The following AHNAK2 variants were observed in gnomAD, a reference collection of about 807,000 sequenced individuals.
AHNAK2 encodes the protein protein AHNAK2.
In AHNAK2, 18 loss-of-function variants were observed where a neutral mutation model predicts 30.7. The ratio of observed to expected loss-of-function variants is 0.59; its 90% CI spans 0.41 to 0.87. The LOEUF is 0.87. Ranked by LOEUF, AHNAK2 falls within the 40% of genes least tolerant of loss-of-function variation. The pLI, the probability that AHNAK2 is intolerant of heterozygous loss-of-function variation, is 0.00. For synonymous variants in AHNAK2, 3,590 were observed against 3,073.8 expected (o/e 1.17, Z -5.56); for missense variants, 8,604 against 7,373.0 (o/e 1.17, Z -6.11).
chr14:104,943,875 T>A lies in AHNAK2; in HGVS notation c.11576A>T (p.Asp3859Val), dbSNP rs202229680. Residue 3859 changes from aspartate to valine, a missense_variant, in exon 7 of 7, where the codon GAC becomes GTC. Asp to Val is a radical substitution (Grantham distance 152, BLOSUM62 -3). Transcript: ENST00000333244. ...TDLSIQPHSA[D>V]LTVQARQVDM... ...CACCTGGCGAGCTTGGACCGTCAGG[T>A]CGGCAGAATGGGGCTGAATGCTGAG... 5.0e-6 allele frequency: 8 copies of A among 1,612,676 alleles called. No homozygotes were observed. Among genetic ancestry groups the A allele is most frequent in the Admixed American group, 1.7e-5 (1 of 59,912 alleles).
rs1378684308 is a variant in AHNAK2, at chr14:104,945,456, T to A, written c.9995A>T (p.Asp3332Val). 5 of 1,613,236 alleles carry A rather than the reference T, an allele frequency of 3.1e-6. No homozygotes were observed. Among genetic ancestry groups the A allele is most frequent in the Non-Finnish European group, 3.4e-6 (4 of 1,179,676 alleles). The change falls in exon 7 of 7, where the codon GAT becomes GTT. Residue 3332 changes from aspartate to valine, a missense_variant. Asp to Val is a radical substitution (Grantham distance 152). Coordinates refer to ENST00000333244, the MANE Select transcript of AHNAK2 (RefSeq NM_138420.4). The stretch of plus-strand genomic sequence containing the variant: ...GGCCTCCGCCTTCGGCGCAGACACA[T>A]CCACCGAGGCCTGGATGGACTTGCC... ...APGKSIQASVDVSAPKAEADV... is the reference protein window; with the variant it reads ...APGKSIQASVVVSAPKAEADV...
Position 104,938,061 on chromosome 14 carries a change from T to G in AHNAK2, c.*2A>C. On this transcript the variant is annotated 3_prime_UTR_variant, in exon 7 of 7. Transcript: ENST00000333244. ...CTCTCTTGTACTGATGAGCCATACCTCTCAGCCTTCATTTGGTCCCAGGCC... is the reference window on the plus strand; with the variant it reads ...CTCTCTTGTACTGATGAGCCATACCGCTCAGCCTTCATTTGGTCCCAGGCC... The G allele has an allele frequency of 6.2e-7, 1 of 1,611,738 alleles. No homozygotes were observed. The highest frequency in any genetic ancestry group is 8.5e-7 in the Non-Finnish European group (1 of 1,178,372).
Position 104,948,536 on chromosome 14 carries a change from G to C in AHNAK2, c.6915C>G (p.Ser2305=). 6.2e-7 allele frequency: 1 copy of C among 1,609,510 alleles called. No homozygotes were observed. The highest frequency in any genetic ancestry group is 8.5e-7 in the Non-Finnish European group (1 of 1,178,646). The change falls in exon 7 of 7, where the codon TCC becomes TCG. Residue 2305 remains serine, a synonymous_variant. Transcript: ENST00000333244. ...TGGCAGTCACGTCCTTGTCGGCCAG[G>C]GACATGTCCCCCTCCAGCCGCGCAC... ...LDGARLEGDM[S]LADKDVTAKD... is the part of the protein sequence containing the mutation.
Position 104,950,776 on chromosome 14 carries a change from C to A in AHNAK2, c.4675G>T (p.Val1559Leu). The change falls in exon 7 of 7, where the codon GTG becomes TTG. Residue 1559 changes from valine (V) to leucine (L), a missense_variant. Val to Leu is a conservative substitution (Grantham distance 32). Coordinates refer to ENST00000333244, the MANE Select transcript of AHNAK2 (RefSeq NM_138420.4). The stretch of plus-strand genomic sequence containing the variant: ...GACACAGGGCCCTCTGGGAGTTTCA[C>A]GTCCACTTGGCCAGCCTGGACCTCC... ...DLEVQAGQVDVKLPEGPVSEG... is the reference protein window; with the variant it reads ...DLEVQAGQVDLKLPEGPVSEG... The A allele has an allele frequency of 6.3e-7, 1 of 1,586,744 alleles. No homozygotes were observed. Among genetic ancestry groups the A allele is most frequent in the Non-Finnish European group, 8.6e-7 (1 of 1,162,466 alleles).
In AHNAK2 at chr14:104,938,945, C is replaced by G; in HGVS notation, c.16506G>C (p.Arg5502=). ...VPRTFSTQIV[R]ESEIPTSEIQ... ...TCTCTGACGTGGGGATCTCTGATTC[C>G]CGCACAATCTGAGTGGAAAAAGTCC... The change falls in exon 7 of 7, where the codon CGG becomes CGC. Residue 5502 remains arginine (R), a synonymous_variant. Coordinates refer to ENST00000333244, the MANE Select transcript of AHNAK2 (RefSeq NM_138420.4). 6.2e-7 allele frequency: 1 copy of G among 1,613,376 alleles called. No homozygotes were observed. The highest frequency in any genetic ancestry group is 8.5e-7 in the Non-Finnish European group (1 of 1,179,820).
chr14:104,953,647 T>C lies in AHNAK2; in HGVS notation c.1804A>G (p.Arg602Gly). The C allele has an allele frequency of 6.2e-7, 1 of 1,613,964 alleles. No homozygotes were observed. The highest frequency in any genetic ancestry group is 8.5e-7 in the Non-Finnish European group (1 of 1,179,896). ...WSPSKHTKTG[R>G]EKATEDTEQG... The stretch of plus-strand genomic sequence containing the variant: ...TCTGTGTCTTCTGTGGCTTTTTCTC[T>C]GCCTGTCTTTGTGTGCTTGCTTGGC... Residue 602 changes from arginine to glycine, a missense_variant, in exon 7 of 7, where the codon AGA becomes GGA. Transcript: ENST00000333244.
intron 1 of AHNAK2, among the ~76,000 whole-genome samples, chr14:104,962,951 C>T (rs1899190849): frequency 6.6e-6 from 1 of 152,140 alleles, no homozygotes. Flanking sequence ...ACCTCGAGGG[C>T]AGCAAAGTTT....
intron 1 of AHNAK2, among the ~76,000 whole-genome samples, chr14:104,965,733 C>A (rs930807923): frequency 1.3e-5 from 2 of 152,194 alleles, no homozygotes; most frequent in Admixed American, 1.3e-4. Context: ...CTGTCCCCTG[C>A]GGTAGGTGTC....
chr14:104,950,652 C>T lies in AHNAK2; in HGVS notation c.4799G>A (p.Gly1600Asp). 6.3e-7 allele frequency: 1 copy of T among 1,586,964 alleles called. No homozygotes were observed. Among genetic ancestry groups the T allele is most frequent in the South Asian group, 1.1e-5 (1 of 89,708 alleles). Reference protein sequence around the residue: ...DLKGPQIDVKGPKLDLKGPKV... With the variant: ...DLKGPQIDVKDPKLDLKGPKV... ...GGGGCCTTTCAGGTCCAGCTTGGGGCCCTTAACATCTATCTGGGGCCCCTT... is the reference window on the plus strand; with the variant it reads ...GGGGCCTTTCAGGTCCAGCTTGGGGTCCTTAACATCTATCTGGGGCCCCTT... Residue 1600 changes from glycine to aspartate, a missense_variant, in exon 7 of 7, where the codon GGC becomes GAC. Transcript: ENST00000333244.
Position 104,942,821 on chromosome 14 carries a change from G to A in AHNAK2, c.12630C>T (p.Ala4210=), listed in dbSNP as rs372770146. The A allele has an allele frequency of 1.1e-5, 18 of 1,612,788 alleles. No homozygotes were observed. The highest frequency in any genetic ancestry group is 5.5e-5 in the South Asian group (5 of 91,044). The stretch of plus-strand genomic sequence containing the variant: ...CCTTGGGGAGGTGCCCTTTGAGGCC[G>A]GCTCCCTTGGGCAGGGGGCCCTCCG... ...KLPEGPLPKG[A]GLKGHLPKVQ... is the part of the protein sequence containing the mutation. The change falls in exon 7 of 7, where the codon GCC becomes GCT. Residue 4210 remains alanine (A), a synonymous_variant. Transcript: ENST00000333244.
rs372983447 is a variant in AHNAK2 at position 104,947,770 on chromosome 14, C to T, written c.7681G>A (p.Gly2561Ser). 1.6e-5 allele frequency: 26 copies of T among 1,612,704 alleles called. No individual in the cohort carries two copies. The highest frequency in any genetic ancestry group is 1.1e-4 in the East Asian group (5 of 44,788). The change falls in exon 7 of 7, where the codon GGC (glycine) becomes AGC (serine). Residue 2561 changes from glycine (G) to serine (S), a missense_variant. Physicochemically the swap from Gly to Ser is moderately conservative, Grantham distance 56. Transcript: ENST00000333244. ...ACCTTGGGCAGGTGCCCTTTGAGGC[C>T]GGCTCCCTCCGGCACAGGGCCCTCT... ...LPEGPVPEGA[G>S]LKGHLPKVQM...
At position 104,949,660 on chromosome 14, in the gene AHNAK2, C is replaced by T. The variant is rs200253581; in HGVS notation, c.5791G>A (p.Ala1931Thr). 17 of 1,582,966 alleles carry T rather than the reference C, an allele frequency of 1.1e-5. 3 individuals carry two copies. Among genetic ancestry groups the T allele is most frequent in the Middle Eastern group, 3.3e-4 (2 of 6,032 alleles). ...TTGGGGCCTTTCAGGTCCAGCTTGGCGCCCTTAACATCTGTCTGGGGGCCC... is the reference window on the plus strand; with the variant it reads ...TTGGGGCCTTTCAGGTCCAGCTTGGTGCCCTTAACATCTGTCTGGGGGCCC... ...LKGPQTDVKG[A>T]KLDLKGPKAE... Residue 1931 changes from alanine (A) to threonine (T), a missense_variant, in exon 7 of 7, where the codon GCC becomes ACC. Transcript: ENST00000333244.
chr14:104,951,894 AC>A lies in AHNAK2; in HGVS notation c.3556del (p.Val1186TrpfsTer12), dbSNP rs1468979037. ...CTCCACTTTGGGTGCAGACACATCC[AC>A]CGAGGCCTCGATGGACTTGCCTGGG... ...SAPGKSIEAS[V>X]DVSAPKVEAD... On this transcript the variant is annotated frameshift_variant, in exon 7 of 7. Coordinates refer to ENST00000333244, the MANE Select transcript of AHNAK2 (RefSeq NM_138420.4). LOFTEE classifies it low-confidence loss of function (END_TRUNC). 1.6e-5 allele frequency: 26 copies of A among 1,609,072 alleles called. No individual in the cohort carries two copies. Among genetic ancestry groups the A allele is most frequent in the Non-Finnish European group, 2.2e-5 (26 of 1,178,016 alleles).
rs200298349 is a variant in AHNAK2 at position 104,953,056 on chromosome 14, T to A, written c.2395A>T (p.Met799Leu). 19 of 1,613,312 alleles carry A rather than the reference T, an allele frequency of 1.2e-5. No homozygotes were observed. Among genetic ancestry groups the A allele is most frequent in the Non-Finnish European group, 1.6e-5 (19 of 1,179,720 alleles). ...CTCGGGGCCTGGACGTCCACCTCCA[T>A]GCTGGACAGAGACATCTTCACATCG... is the stretch of plus-strand genomic sequence containing the variant. Reference protein sequence around the residue: ...APDVKMSLSSMEVDVQAPRAK... With the variant: ...APDVKMSLSSLEVDVQAPRAK... Residue 799 changes from methionine (M) to leucine (L), a missense_variant, in exon 7 of 7, where the codon ATG becomes TTG. Met to Leu is a conservative substitution (Grantham distance 15, BLOSUM62 2). Transcript: ENST00000333244.
intron 1 of AHNAK2, among the ~76,000 whole-genome samples, chr14:104,968,027 C>CA (rs1260050574): frequency 1.3e-5 from 2 of 152,244 alleles, no homozygotes; most frequent in Non-Finnish European, 2.9e-5. Context: ...TGTTGACGGT[C>CA]ACCAAAGCCC....
In AHNAK2 at chr14:104,949,939, G is replaced by A. The variant is rs1159213132; in HGVS notation, c.5512C>T (p.Pro1838Ser). 6.3e-7 allele frequency: 1 copy of A among 1,589,020 alleles called. No homozygotes were observed. Among genetic ancestry groups the A allele is most frequent in the African/African-American group, 1.4e-5 (1 of 72,602 alleles). The change falls in exon 7 of 7, where the codon CCA becomes TCA. Residue 1838 changes from proline to serine, a missense_variant. By Grantham distance (74) the Pro-to-Ser change is moderately conservative. Coordinates refer to ENST00000333244, the MANE Select transcript of AHNAK2 (RefSeq NM_138420.4). Reference protein sequence around the residue: ...FKMPSFGVSAPGKSIEASVDV... With the variant: ...FKMPSFGVSASGKSIEASVDV... ...ACCGAGGCCTCGATGGACTTGCCTGGGGCAGACACCCCGAACGACGGCATC... is the reference window on the plus strand; with the variant it reads ...ACCGAGGCCTCGATGGACTTGCCTGAGGCAGACACCCCGAACGACGGCATC...
rs1374205448 is a variant in AHNAK2, at chr14:104,942,105, A to C, written c.13346T>G (p.Leu4449Arg). ...AGTCACGTCCTTGTCAGCCAGGGAC[A>C]GGTCCCCCTCCAGCCGCGTACTGTC... is the stretch of plus-strand genomic sequence containing the variant. The part of the protein sequence containing the change: ...KLDSTRLEGD[L>R]SLADKDVTAK... The change falls in exon 7 of 7, where the codon CTG (leucine) becomes CGG (arginine). Residue 4449 changes from leucine to arginine, a missense_variant. Physicochemically the swap from Leu to Arg is moderately radical, Grantham distance 102. Transcript: ENST00000333244. 2 of 1,613,026 alleles carry C rather than the reference A, an allele frequency of 1.2e-6. No homozygotes were observed. The highest frequency in any genetic ancestry group is 2.7e-5 in the African/African-American group (2 of 74,622).
chr14:104,967,370 G>C (rs115597910), intron 1 of AHNAK2, among the ~76,000 whole-genome samples: 1 of 152,234 alleles, frequency 6.6e-6, no homozygotes, highest in Non-Finnish European at 1.5e-5. Flanking sequence ...TGGGCACCAC[G>C]GTCAAGGGCC....
chr14:104,973,944 G>A (rs971472923), intron 1 of AHNAK2, among the ~76,000 whole-genome samples: 16 of 152,172 alleles, frequency 1.1e-4, no homozygotes, highest in Non-Finnish European at 1.5e-4. Context: ...TGTGGGGTGC[G>A]GGGATGGGGG....
Sources: allele counts gnomAD v4.1 joint callset (sites outside exome capture counted in the v4.1 genomes callset), GRCh38; gene constraint gnomAD v4.1.1; transcripts MANE v1.5; gene names NCBI Gene and HGNC (gene_info 2026-07-23, HGNC 2026-07-21).